NF2: variants seen among roughly 807,000 people sequenced by gnomAD.
NF2 encodes merlin.
A neutral mutation model predicts 83.7 loss-of-function variants in NF2; 8 were observed. The observed-to-expected ratio is 0.10, with a 90% confidence interval of 0.06 to 0.17. NF2 has a LOEUF of 0.17. NF2 is among the 10% of genes least tolerant of loss of function. The probability of loss-of-function intolerance (pLI) is 1.00; values close to 1 mark genes in which losing one functional copy is unlikely to be tolerated. For missense variants in NF2, 533 were observed against 744.4 expected (o/e 0.72, Z 3.31); for synonymous variants, 266 against 269.6 (o/e 0.99, Z 0.13).
rs1379683835 is a variant in NF2 at position 29,681,578 on chromosome 22, A to C, written c.1714A>C (p.Ser572Arg). 2.5e-6 allele frequency: 4 copies of C among 1,614,152 alleles called. No individual in the cohort carries two copies. Among genetic ancestry groups the C allele is most frequent in the Non-Finnish European group, 3.4e-6 (4 of 1,180,020 alleles). Residue 572 changes from serine to arginine, a missense_variant, in exon 15 of 16, where the codon AGC (serine) becomes CGC (arginine). Physicochemically the swap from Ser to Arg is moderately radical, Grantham distance 110 (BLOSUM62 -1). Around this residue, in one of 3 missense-constraint regions of NF2, gnomAD observed 199 missense variants for 240.7 expected, o/e 0.83. Transcript: ENST00000338641. ...HNENSDRGGS[S>R]KHNTIKKLTL... The stretch of plus-strand genomic sequence containing the variant: ...TGAGAACTCCGACAGGGGTGGCAGC[A>C]GCAAGCACAATACCATTAAAAAGGT...
chr22:29,646,466 T>C (rs1173363742), intron 4 of NF2, among the ~76,000 whole-genome samples: 3 of 152,222 alleles, frequency 2.0e-5, no homozygotes, highest in Non-Finnish European at 4.4e-5. Context: ...AGTTCTTCAG[T>C]AAGTCATACT....
At chr22:29,638,786 G>A (rs1196301847) in intron 2 of NF2, among the ~76,000 whole-genome samples, 1 of 152,192 alleles carries the variant, frequency 6.6e-6, no homozygotes, top group Non-Finnish European at 1.5e-5. Context: ...CAAGACTGCT[G>A]AGTGATACAT....
chr22:29,681,329 C>T, intron 14 of NF2, 110 bp from the exon 15 acceptor site: 1 of 1,354,982 alleles, frequency 7.4e-7, no homozygotes, highest in African/African-American at 1.4e-5. Flanking sequence ...ACGTGAACCC[C>T]AGGCCTCAAA....
chr22:29,637,936 C>T (rs892801411), intron 2 of NF2, among the ~76,000 whole-genome samples: 2 of 152,150 alleles, frequency 1.3e-5, no homozygotes, highest in Admixed American at 6.5e-5. Context: ...AGTTATGTGT[C>T]AAAGACAGCA....
chr22:29,641,977 AGAGAT>A (rs1397098666), intron 3 of NF2, among the ~76,000 whole-genome samples: 1 of 151,840 alleles, frequency 6.6e-6, no homozygotes, highest in Non-Finnish European at 1.5e-5. Context: ...CATGAAGAGA[AGAGAT>A]AAGGGGTTTT....
intron 1 of NF2, among the ~76,000 whole-genome samples, chr22:29,624,803 T>TTCTTTCTC (rs2065302928): frequency 1.1e-4 from 1 of 9,030 alleles, no homozygotes; most frequent in Non-Finnish European, 2.5e-4. Context: ...AGGGTCCTCT[T>TTCTTTCTC]TCTTTCTTTC....
intron 9 of NF2, among the ~76,000 whole-genome samples, chr22:29,667,618 C>T (rs1480596855): frequency 6.6e-6 from 1 of 152,236 alleles, no homozygotes; most frequent in South Asian, 2.1e-4. Context: ...AACTCCTGGG[C>T]TCAAGGATCC....
intron 15 of NF2, among the ~76,000 whole-genome samples, chr22:29,691,457 G>A (rs1216674233): frequency 6.6e-6 from 1 of 152,216 alleles, no homozygotes; most frequent in Non-Finnish European, 1.5e-5. Flanking sequence ...TAACACTGAT[G>A]GGCCTGCACA....
At chr22:29,629,607 T>C (rs1377143484) in intron 1 of NF2, among the ~76,000 whole-genome samples, 2 of 152,246 alleles carry the variant, frequency 1.3e-5, no homozygotes, top group African/African-American at 4.8e-5. Context: ...GCACATGTCC[T>C]GAGCCTGGGG....
chr22:29,660,191 G>T (rs140401955), intron 7 of NF2, among the ~76,000 whole-genome samples: 2 of 152,254 alleles, frequency 1.3e-5, no homozygotes, highest in East Asian at 3.9e-4. Context: ...TCAGTCCGTC[G>T]CAGGTTCAGT....
chr22:29,648,522 G>A (rs1414434582), intron 4 of NF2, among the ~76,000 whole-genome samples: 1 of 152,218 alleles, frequency 6.6e-6, no homozygotes, highest in Non-Finnish European at 1.5e-5. Context: ...AGGGACGGGT[G>A]GAAGTGAGGA....
At chr22:29,619,948 G>A (rs2065173836) in intron 1 of NF2, among the ~76,000 whole-genome samples, 1 of 152,128 alleles carries the variant, frequency 6.6e-6, no homozygotes. Flanking sequence ...ATATAACAGG[G>A]ACTCATTTAT....
At position 29,603,829 on chromosome 22, in the gene NF2, G is replaced by T. The variant is rs1252434288; in HGVS notation, c.-170G>T. ...CAACTCCCCTTTCCGCTCAGGCAGG[G>T]TCCTCGCGGCCCATGCTGGCCGCTG... On this transcript the variant is annotated 5_prime_UTR_variant, in exon 1 of 16. Coordinates refer to ENST00000338641, the MANE Select transcript of NF2 (RefSeq NM_000268.4). 3.4e-6 allele frequency: 2 copies of T among 592,108 alleles called. No individual in the cohort carries two copies. Among genetic ancestry groups the T allele is most frequent in the Non-Finnish European group, 3.0e-6 (1 of 336,042 alleles). The allele number at this position is 592,108 out of a possible 1,614,324, so 36.7% of individuals were successfully genotyped here.
intron 1 of NF2, among the ~76,000 whole-genome samples, chr22:29,607,689 G>A (rs1279840883): frequency 1.3e-5 from 2 of 151,988 alleles, no homozygotes; most frequent in Non-Finnish European, 2.9e-5. Context: ...GAGACAAGGG[G>A]CCAAATTAAT....
intron 14 of NF2, among the ~76,000 whole-genome samples, chr22:29,680,254 G>A (rs1214399192): frequency 6.6e-6 from 1 of 152,104 alleles, no homozygotes; most frequent in African/African-American, 2.4e-5. Context: ...TGGGATTACA[G>A]GCGCATGCTA....
chr22:29,636,144 T>A lies in NF2; in HGVS notation c.115-607T>A, dbSNP rs1425745342. 1.3e-5 allele frequency among the ~76,000 whole-genome samples: 2 copies of A among 152,190 alleles called. No individual in the cohort carries two copies. Among genetic ancestry groups the A allele is most frequent in the Non-Finnish European group, 2.9e-5 (2 of 68,030 alleles). On this transcript the variant is annotated intron_variant, in intron 1 of 15. Coordinates refer to ENST00000338641, the MANE Select transcript of NF2 (RefSeq NM_000268.4). The surrounding 1 kb of genome is among the most constrained non-coding windows in gnomAD (Gnocchi z 4.4). ...AGATACCAGGAGTTTGAATTTGCTCTGGGTGACTGGGTGAGTAGCTTCCCC... is the reference window on the plus strand; with the variant it reads ...AGATACCAGGAGTTTGAATTTGCTCAGGGTGACTGGGTGAGTAGCTTCCCC...
At chr22:29,624,333 G>C (rs1425003685) in intron 1 of NF2, among the ~76,000 whole-genome samples, 2 of 152,118 alleles carry the variant, frequency 1.3e-5, no homozygotes, top group African/African-American at 4.8e-5. Flanking sequence ...TCAGCCTCCT[G>C]AGTAGCTGGG....
intron 12 of NF2, 116 bp downstream of exon 12, chr22:29,673,602 G>A: frequency 8.6e-7 from 1 of 1,163,510 alleles, no homozygotes; most frequent in Non-Finnish European, 1.2e-6. Context: ...CATCTTCTGG[G>A]CCGTGGGGAG....
intron 10 of NF2, 137 bp from the exon 11 acceptor site, chr22:29,671,689 G>T: frequency 1.6e-6 from 2 of 1,231,262 alleles, no homozygotes; most frequent in South Asian, 1.3e-5. Context: ...CAATAAGAAT[G>T]ACCCTGGCTA....
Sources: gnomAD v4.1 joint callset for allele counts (sites outside exome capture counted in the v4.1 genomes callset) on GRCh38, gnomAD v4.1.1 for gene constraint, gnomAD v4.1.1 regional missense constraint, Gnocchi (gnomAD v3.1) non-coding constraint, MANE v1.5 for transcripts, NCBI Gene and HGNC (gene_info 2026-07-23, HGNC 2026-07-21) for gene names.